Variants in SIRT2 observed in about 807,000 individuals in gnomAD.
The protein encoded by SIRT2 is NAD-dependent protein deacetylase sirtuin-2.
Under a neutral mutation model 57.4 loss-of-function variants are expected in SIRT2, and 40 were observed. The observed-to-expected ratio is 0.70, with a 90% CI of 0.54 to 0.91. SIRT2 has a LOEUF of 0.91. Among genes scored for constraint, SIRT2 ranks in the 40% least tolerant of loss-of-function variants. SIRT2 has a pLI of 0.00. For synonymous variants in SIRT2, 161 were observed against 195.7 expected (o/e 0.82, Z 1.48); for missense variants, 439 against 510.4 (o/e 0.86, Z 1.35).
intron 8 of SIRT2, among the ~76,000 whole-genome samples, chr19:38,885,795 T>A (rs1189317815): frequency 6.6e-6 from 1 of 152,000 alleles, no homozygotes; most frequent in East Asian, 1.9e-4. Flanking sequence ...TTCACCATGT[T>A]GGTCAGGATG....
chr19:38,895,819 T>C (rs1973697771), intron 2 of SIRT2, among the ~76,000 whole-genome samples: 1 of 152,128 alleles, frequency 6.6e-6, no homozygotes, highest in African/African-American at 2.4e-5. Context: ...ACGCCTGTAA[T>C]CCCAACACTT....
intron 7 of SIRT2, 151 bp from the exon 8 acceptor site, chr19:38,889,306 A>C (rs1219485591): frequency 6.7e-6 from 5 of 740,910 alleles, no homozygotes; most frequent in Non-Finnish European, 1.2e-5. Flanking sequence ...TGCTATCCCC[A>C]GATCACAGAT....
chr19:38,886,463 T>C (rs1973342909), intron 8 of SIRT2, among the ~76,000 whole-genome samples: 1 of 151,902 alleles, frequency 6.6e-6, no homozygotes, highest in African/African-American at 2.4e-5. Context: ...TTTTTTTTTT[T>C]TTTTCTTTTG....
At chr19:38,890,064 G>T (rs1973481539) in intron 5 of SIRT2, 39 bp downstream of exon 5, 2 of 1,613,846 alleles carry the variant, frequency 1.2e-6, no homozygotes, top group Non-Finnish European at 1.7e-6. Context: ...GGACTCCCCA[G>T]TTCCTGGGGG....
chr19:38,887,223 T>A (rs1372593713), intron 8 of SIRT2, among the ~76,000 whole-genome samples: 2 of 152,204 alleles, frequency 1.3e-5, no homozygotes, highest in Non-Finnish European at 2.9e-5. Flanking sequence ...CCATCTTATA[T>A]GCTCAGTATA....
Position 38,881,300 on chromosome 19 carries a change from A to G in SIRT2, c.691+132T>C, listed in dbSNP as rs540871247. 5 of 1,142,096 alleles carry G rather than the reference A, an allele frequency of 4.4e-6. No individual in the cohort carries two copies. In the East Asian group the frequency reaches 1.0e-4, roughly 23 times the overall value. The allele number at this position is 1,142,096 out of a possible 1,614,324, so 70.7% of individuals were successfully genotyped here. A position where few individuals can be genotyped will look rare whatever the true frequency, so the allele number is the denominator to read the frequency against. ...GGGCACAGACCCCATTCTCCCCAGG[A>G]TGGATCTGGGGCACTGTTCAGAGAG... On this transcript the variant is annotated intron_variant, in intron 10 of 15. Coordinates refer to ENST00000249396, the MANE Select transcript of SIRT2 (RefSeq NM_012237.4).
intron 8 of SIRT2, among the ~76,000 whole-genome samples, chr19:38,888,274 G>C (rs546505908): frequency 6.6e-6 from 1 of 152,266 alleles, no homozygotes; most frequent in African/African-American, 2.4e-5. Flanking sequence ...CTGAACTCAA[G>C]CAATCCCCCT....
Position 38,889,688 on chromosome 19 carries a change from C to G in SIRT2, c.432+1G>C. 1 of 1,614,030 alleles carries G rather than the reference C, an allele frequency of 6.2e-7. No individual in the cohort carries two copies. Among genetic ancestry groups the G allele is most frequent in the Non-Finnish European group, 8.5e-7 (1 of 1,180,020 alleles). ...CGCCCCCTGCAAAACAAAGATCTCA[C>G]CTTGAACTGCCCAGGATAGAGTTCC... On this transcript the variant is annotated splice_donor_variant, in intron 7 of 15. Coordinates refer to ENST00000249396, the MANE Select transcript of SIRT2 (RefSeq NM_012237.4). LOFTEE classifies it high-confidence loss of function.
rs540177311 is a variant in SIRT2, at chr19:38,880,571, T to C, written c.876+114A>G. On this transcript the variant is annotated intron_variant, in intron 13 of 15. Transcript: ENST00000249396. This position sits in a 1 kb window ranked among gnomAD's most constrained non-coding sequence, Gnocchi z 4.1. The stretch of plus-strand genomic sequence containing the variant: ...CCCTCTGGATTCTAGAGCCCCAGGT[T>C]CTGAGCTGAGGAATGCAAAGTGCTG... 1 of 713,306 alleles carries C rather than the reference T, an allele frequency of 1.4e-6. No individual in the cohort carries two copies. The highest frequency in any genetic ancestry group is 2.5e-5 in the East Asian group (1 of 39,484). 44.2% of individuals were successfully genotyped at this position (713,306 alleles called of 1,614,324 possible).
At chr19:38,887,640 AG>A in intron 8 of SIRT2, among the ~76,000 whole-genome samples, 1 of 152,296 alleles carries the variant, frequency 6.6e-6, no homozygotes, top group Non-Finnish European at 1.5e-5. Flanking sequence ...CTGAACTTAA[AG>A]CCAGTTGTTC....
At position 38,884,133 on chromosome 19, in the gene SIRT2, G is replaced by A. The variant is rs201035177; in HGVS notation, c.502-377C>T. Among the ~76,000 whole-genome samples, 35 of 148,568 alleles carry A rather than the reference G, an allele frequency of 2.4e-4. 2 individuals are homozygous for A. In the East Asian group the frequency reaches 6.9e-3, roughly 29 times the overall value. ...TAAAAAAAAAAAAAAAAAAAAAGGG[G>A]CCCAAACCTAAATATCTATGAGGCC... On this transcript the variant is annotated intron_variant, in intron 8 of 15. Transcript: ENST00000249396.
rs755382259 is a variant in SIRT2, at chr19:38,889,971, G to A, written c.269-10C>T. The stretch of plus-strand genomic sequence containing the variant: ...TCGGGGATGCCTGCGGCTAGGAAAG[G>A]GGGGTCAGGGAGCAGTTGGTCTATA... On this transcript the variant is annotated splice_polypyrimidine_tract_variant and intron_variant, in intron 5 of 15. Transcript: ENST00000249396. 6.2e-7 allele frequency: 1 copy of A among 1,613,516 alleles called. No individual in the cohort carries two copies. The highest frequency in any genetic ancestry group is 1.7e-5 in the Admixed American group (1 of 60,012).
chr19:38,883,075 GTTTTTT>G (rs61706756), intron 9 of SIRT2, among the ~76,000 whole-genome samples: 2 of 110,406 alleles, frequency 1.8e-5, no homozygotes, highest in African/African-American at 7.4e-5. Flanking sequence ...GTGACTTCTT[GTTTTTT>G]TTTTTTTTTT....
At position 38,879,491 on chromosome 19, in the gene SIRT2, G is replaced by A; in HGVS notation, c.957C>T (p.Ala319=). The part of the protein sequence containing the change: ...FDSKKAYRDV[A]WLGECDQGCL... Reference sequence around the variant, plus strand: ...AGCCCTGGTCGCATTCACCCAGCCAGGCCACGTCCCTGCGGTGCAGCAGGA... The same window carrying A: ...AGCCCTGGTCGCATTCACCCAGCCAAGCCACGTCCCTGCGGTGCAGCAGGA... Residue 319 remains alanine (A), a synonymous_variant, in exon 15 of 16, where the codon GCC becomes GCT. Transcript: ENST00000249396. 2 of 1,604,758 alleles carry A rather than the reference G, an allele frequency of 1.2e-6. 1 individual carries two copies. Among genetic ancestry groups the A allele is most frequent in the South Asian group, 2.2e-5 (2 of 89,456 alleles).
chr19:38,888,412 A>G (rs1340104104), intron 8 of SIRT2, among the ~76,000 whole-genome samples: 3 of 151,016 alleles, frequency 2.0e-5, no homozygotes, highest in Admixed American at 6.6e-5. Flanking sequence ...GGCTCGAGCT[A>G]TCTCTCGCTT....
In SIRT2 at chr19:38,889,975, G is replaced by A. The variant is rs765623042; in HGVS notation, c.269-14C>T. 1.9e-6 allele frequency: 3 copies of A among 1,612,916 alleles called. No homozygotes were observed. Among genetic ancestry groups the A allele is most frequent in the Non-Finnish European group, 1.7e-6 (2 of 1,178,842 alleles). On this transcript the variant is annotated splice_polypyrimidine_tract_variant and intron_variant, in intron 5 of 15. Transcript: ENST00000249396. The stretch of plus-strand genomic sequence containing the variant: ...GGATGCCTGCGGCTAGGAAAGGGGG[G>A]TCAGGGAGCAGTTGGTCTATACCAT...
intron 7 of SIRT2, 173 bp downstream of exon 7, chr19:38,889,516 A>T: frequency 1.4e-6 from 1 of 720,160 alleles, no homozygotes; most frequent in Admixed American, 2.4e-5. Context: ...TCGGAGGCTC[A>T]AGGTCGTAAG....
rs1347258681 is a variant in SIRT2, at chr19:38,893,433, C to A, written c.207G>T (p.Arg69=). The change falls in exon 4 of 16, where the codon CGG becomes CGT. Residue 69 remains arginine (R), a synonymous_variant. Coordinates refer to ENST00000249396, the MANE Select transcript of SIRT2 (RefSeq NM_012237.4). ...LDELTLEGVA[R]YMQSERCRRV... Reference sequence around the variant, plus strand: ...ACTCACAGCGTTCGCTCTGCATGTACCGGGCCACCCCTTCCAAGGTCAGCT... The same window carrying A: ...ACTCACAGCGTTCGCTCTGCATGTAACGGGCCACCCCTTCCAAGGTCAGCT... 6.2e-7 allele frequency: 1 copy of A among 1,613,066 alleles called. No homozygotes were observed. Among genetic ancestry groups the A allele is most frequent in the African/African-American group, 1.3e-5 (1 of 74,932 alleles).
Position 38,893,544 on chromosome 19 carries a change from G to C in SIRT2, c.113-17C>G, listed in dbSNP as rs763904774. On this transcript the variant is annotated splice_polypyrimidine_tract_variant and intron_variant, in intron 3 of 15. Coordinates refer to ENST00000249396, the MANE Select transcript of SIRT2 (RefSeq NM_012237.4). Reference sequence around the variant, plus strand: ...GGAAGTCCACTGACCGGAAAGAAGAGAGACAGCGGCAGGACGGGCATTCAG... The same window carrying C: ...GGAAGTCCACTGACCGGAAAGAAGACAGACAGCGGCAGGACGGGCATTCAG... 7 of 1,567,710 alleles carry C rather than the reference G, an allele frequency of 4.5e-6. No individual in the cohort carries two copies. The highest frequency in any genetic ancestry group is 6.1e-6 in the Non-Finnish European group (7 of 1,139,188).
Sources: allele counts gnomAD v4.1 joint callset (sites outside exome capture counted in the v4.1 genomes callset), GRCh38; gene constraint gnomAD v4.1.1; non-coding constraint Gnocchi (gnomAD v3.1); transcripts MANE v1.5; gene names NCBI Gene and HGNC (gene_info 2026-07-23, HGNC 2026-07-21).